Variants in JHY observed in about 807,000 individuals in gnomAD.
The protein encoded by JHY is jhy protein homolog.
JHY carries 69 observed loss-of-function variants against 78.0 expected under a neutral mutation model. That is an observed-to-expected ratio of 0.88 (90% CI 0.73 to 1.08). The LOEUF (loss-of-function observed/expected upper bound fraction) is 1.08, where lower values mean the gene tolerates loss of function less well. JHY is among the 50% of genes least tolerant of loss of function. JHY has a pLI of 0.00. For synonymous variants in JHY, 368 were observed against 342.6 expected, an observed-to-expected ratio of 1.07 and a Z score of -0.82; for missense variants, 944 against 927.8, an observed-to-expected ratio of 1.02 and a Z score of -0.23.
At chr11:122,890,807 T>C (rs1267496812) in intron 2 of JHY, among the ~76,000 whole-genome samples, 1 of 152,236 alleles carries the variant, frequency 6.6e-6, no homozygotes, top group Admixed American at 6.5e-5. Context: ...CATTTTTTAA[T>C]GATGAACTGT....
At chr11:122,937,371 C>T (rs1286554175) in intron 5 of JHY, among the ~76,000 whole-genome samples, 1 of 151,784 alleles carries the variant, frequency 6.6e-6, no homozygotes, top group Non-Finnish European at 1.5e-5. Flanking sequence ...TCCATAAGGA[C>T]AACCCCATCG....
At position 122,927,621 on chromosome 11, in the gene JHY, GCC is replaced by G. The variant is rs1863536494; in HGVS notation, c.978+2613_978+2614del. Among the ~76,000 whole-genome samples, 7 of 152,228 alleles carry G rather than the reference GCC, an allele frequency of 4.6e-5. No individual in the cohort carries two copies. The South Asian group carries it at 1.0e-3, about 23-fold the overall frequency. Reference sequence around the variant, plus strand: ...CCAGCCTCTCCCACCCTGCTCCTCTGCCCTCAGCTCCTGCTGTGTCTGTAGTC... The same window carrying G: ...CCAGCCTCTCCCACCCTGCTCCTCTGCTCAGCTCCTGCTGTGTCTGTAGTC... On this transcript the variant is annotated intron_variant, in intron 4 of 8. Coordinates refer to ENST00000227349, the MANE Select transcript of JHY (RefSeq NM_024806.4).
intron 6 of JHY, among the ~76,000 whole-genome samples, chr11:122,955,235 C>T (rs1000663961): frequency 4.6e-5 from 7 of 152,148 alleles, no homozygotes; most frequent in Non-Finnish European, 8.8e-5. Flanking sequence ...ATTCTCCTGC[C>T]TCAGCCCCCC....
rs373585456 is a variant in JHY at position 122,904,282 on chromosome 11, A to G, written c.702A>G (p.Ser234=). ...CTCCGTACGTGAAGAGCTCAAGTTCACATAACGAGGTTTTCCTGCCGGGAT... is the reference window on the plus strand; with the variant it reads ...CTCCGTACGTGAAGAGCTCAAGTTCGCATAACGAGGTTTTCCTGCCGGGAT... ...SLSPYVKSSS[S]HNEVFLPGSR... is the part of the protein sequence containing the mutation. The change falls in exon 3 of 9, where the codon TCA becomes TCG. Residue 234 remains serine, a synonymous_variant. Transcript: ENST00000227349. 1.2e-6 allele frequency: 2 copies of G among 1,614,076 alleles called. No homozygotes were observed. Among genetic ancestry groups the G allele is most frequent in the African/African-American group, 2.7e-5 (2 of 74,938 alleles).
At chr11:122,906,935 T>G (rs1014425905) in intron 3 of JHY, among the ~76,000 whole-genome samples, 2 of 152,202 alleles carry the variant, frequency 1.3e-5, no homozygotes, top group Non-Finnish European at 2.9e-5. Context: ...CTTTACCATT[T>G]TCCAATATAT....
At chr11:122,957,811 T>A (rs868595120) in intron 8 of JHY, among the ~76,000 whole-genome samples, 1 of 149,712 alleles carries the variant, frequency 6.7e-6, no homozygotes, top group Non-Finnish European at 1.5e-5. Context: ...ACACACACAG[T>A]CACACACACA....
At chr11:122,922,486 C>T (rs1307318358) in intron 3 of JHY, among the ~76,000 whole-genome samples, 1 of 152,168 alleles carries the variant, frequency 6.6e-6, no homozygotes, top group Non-Finnish European at 1.5e-5. Context: ...TTACCTCTTT[C>T]TTATTGAATA....
Position 122,946,976 on chromosome 11 carries a change from T to A in JHY, c.1929+184T>A. The A allele has an allele frequency of 5.0e-6, 3 of 600,966 alleles. No individual in the cohort carries two copies. In the South Asian group the frequency reaches 7.9e-5, roughly 16 times the overall value. The allele number at this position is 600,966 out of a possible 1,614,324, so 37.2% of individuals were successfully genotyped here. On this transcript the variant is annotated intron_variant, in intron 6 of 8. Coordinates refer to ENST00000227349, the MANE Select transcript of JHY (RefSeq NM_024806.4). ...ACTCCCTGGGGTTTCCCTCCCCTTC[T>A]TAATAGAAGTTGTTGCTGCCAGGGA...
intron 3 of JHY, among the ~76,000 whole-genome samples, chr11:122,919,225 C>T (rs561201508): frequency 1.7e-4 from 26 of 151,902 alleles, no homozygotes; most frequent in South Asian, 4.2e-4. Context: ...TGGTGGTGCA[C>T]GCCTGTAATC....
At chr11:122,958,545 AG>A (rs111749080) in intron 8 of JHY, 105 of 185,300 alleles carry the variant, frequency 5.7e-4, no homozygotes, top group Middle Eastern at 2.8e-3. Flanking sequence ...TACATTTTAG[AG>A]GGTTTTTTTT....
At chr11:122,938,032 GT>G (rs1438597935) in intron 5 of JHY, among the ~76,000 whole-genome samples, 1 of 151,640 alleles carries the variant, frequency 6.6e-6, no homozygotes, top group Non-Finnish European at 1.5e-5. Context: ...GTTGTTTTTT[GT>G]TTTTTGTTTT....
chr11:122,930,238 G>A lies in JHY; in HGVS notation c.979-4182G>A, dbSNP rs371078259. On this transcript the variant is annotated intron_variant, in intron 4 of 8. Transcript: ENST00000227349. ...TGGGATTACAGGTGCAGGCCAGCAC[G>A]CCCAGCTAATTTTTGTATTTTTAGT... 7.9e-4 allele frequency among the ~76,000 whole-genome samples: 120 copies of A among 152,108 alleles called. 2 individuals carry two copies. The South Asian group carries it at 0.024, about 31-fold the overall frequency.
At chr11:122,924,301 G>A (rs79303475) in intron 3 of JHY, among the ~76,000 whole-genome samples, 1 of 151,886 alleles carries the variant, frequency 6.6e-6, no homozygotes, top group Non-Finnish European at 1.5e-5. Flanking sequence ...GCATGTGCAG[G>A]CTCCGGAGAT....
chr11:122,921,630 C>T (rs1863368275), intron 3 of JHY, among the ~76,000 whole-genome samples: 1 of 152,114 alleles, frequency 6.6e-6, no homozygotes, highest in Non-Finnish European at 1.5e-5. Flanking sequence ...GCTGTGAAAT[C>T]TAATACTTTT....
In JHY at chr11:122,933,789, A is replaced by G. The variant is rs1307180605; in HGVS notation, c.979-631A>G. Among the ~76,000 whole-genome samples, 22 of 152,336 alleles carry G rather than the reference A, an allele frequency of 1.4e-4. No homozygotes were observed. The East Asian group carries it at 2.9e-3, about 20-fold the overall frequency. On this transcript the variant is annotated intron_variant, in intron 4 of 8. Coordinates refer to ENST00000227349, the MANE Select transcript of JHY (RefSeq NM_024806.4). ...CAATTGTATTTAATATTAGATTTGT[A>G]CTTGGTTTGTAAAGCAAATTATTAG...
intron 2 of JHY, among the ~76,000 whole-genome samples, chr11:122,887,947 T>G (rs1255503688): frequency 1.3e-5 from 2 of 152,192 alleles, no homozygotes; most frequent in Admixed American, 6.5e-5. Flanking sequence ...TGATTTGTCC[T>G]TGGGATACAG....
intron 6 of JHY, chr11:122,947,389 C>A (rs1468744642): frequency 6.6e-6 from 1 of 152,334 alleles, no homozygotes; most frequent in Non-Finnish European, 1.5e-5. Context: ...TCTCAAATCA[C>A]CATTACTAGC....
intron 8 of JHY, 185 bp from the exon 9 acceptor site, chr11:122,959,063 G>A (rs925838343): frequency 1.0e-6 from 1 of 963,226 alleles, no homozygotes; most frequent in African/African-American, 1.8e-5. Flanking sequence ...ATATTGTTTT[G>A]TGGCTAATGT....
Position 122,959,505 on chromosome 11 carries a change from CG to C in JHY, c.*61del. The C allele has an allele frequency of 1.3e-6, 2 of 1,483,856 alleles. No homozygotes were observed. Among genetic ancestry groups the C allele is most frequent in the Non-Finnish European group, 1.9e-6 (2 of 1,071,892 alleles). 91.9% of individuals were successfully genotyped at this position (1,483,856 alleles called of 1,614,324 possible). A position where few individuals can be genotyped will look rare whatever the true frequency, so the allele number is the denominator to read the frequency against. On this transcript the variant is annotated 3_prime_UTR_variant, in exon 9 of 9. Transcript: ENST00000227349. ...CAGGAATGAACGTGGAGAAAAGAAACGCCAACCACCTTCTCTGCGTTGAGAG... is the reference window on the plus strand; with the variant it reads ...CAGGAATGAACGTGGAGAAAAGAAACCCAACCACCTTCTCTGCGTTGAGAG...
Sources: gnomAD v4.1 joint callset for allele counts (sites outside exome capture counted in the v4.1 genomes callset) on GRCh38, gnomAD v4.1.1 for gene constraint, MANE v1.5 for transcripts, NCBI Gene and HGNC (gene_info 2026-07-23, HGNC 2026-07-21) for gene names.